TET3: variants seen among roughly 807,000 people sequenced by gnomAD.
The protein encoded by TET3 is methylcytosine dioxygenase TET3.
In TET3, 19 loss-of-function variants were observed where a neutral mutation model predicts 141.4. The ratio of observed to expected loss-of-function variants is 0.13; its 90% CI spans 0.09 to 0.20. TET3 has a LOEUF of 0.20. Among genes scored for constraint, TET3 ranks in the 10% least tolerant of loss-of-function variants. TET3 has a pLI of 1.00. For synonymous variants in TET3, 1,043 were observed against 980.9 expected, an observed-to-expected ratio of 1.06 and a Z score of -1.18; for missense variants, 1,874 against 2,356.9, an observed-to-expected ratio of 0.80 and a Z score of 4.24.
intron 2 of TET3, among the ~76,000 whole-genome samples, chr2:73,994,955 T>A (rs769243874): frequency 2.0e-5 from 3 of 151,498 alleles, no homozygotes; most frequent in Non-Finnish European, 4.4e-5. Flanking sequence ...TATTTTCATG[T>A]TTCTTTTTTT....
At chr2:73,987,873 C>G (rs969884456) in intron 2 of TET3, among the ~76,000 whole-genome samples, 10 of 152,190 alleles carry the variant, frequency 6.6e-5, no homozygotes, top group Non-Finnish European at 1.3e-4. Flanking sequence ...CTGGGTTTCC[C>G]TGACCGCTGA....
intron 4 of TET3, among the ~76,000 whole-genome samples, chr2:74,049,910 C>T (rs895973336): frequency 6.6e-6 from 1 of 152,122 alleles, no homozygotes; most frequent in Non-Finnish European, 1.5e-5. Flanking sequence ...CCCACTGGCC[C>T]TGTCCATTCT....
chr2:73,985,745 C>T (rs1683989980), intron 1 of TET3, among the ~76,000 whole-genome samples: 1 of 152,084 alleles, frequency 6.6e-6, no homozygotes, highest in South Asian at 2.1e-4. Context: ...TCTTAGAAAT[C>T]TCACCTTGAT....
chr2:74,114,964 A>C, the TET3 span, among the ~76,000 whole-genome samples: 1 of 151,982 alleles, frequency 6.6e-6, no homozygotes, highest in African/African-American at 2.4e-5. Flanking sequence ...AAAATGGACC[A>C]AAGACCTAAA....
At chr2:74,133,809 A>G in the TET3 span, among the ~76,000 whole-genome samples, 5 of 152,132 alleles carry the variant, frequency 3.3e-5, no homozygotes, top group African/African-American at 1.2e-4. Flanking sequence ...CAGTGGCACA[A>G]TCTTGGTTCA....
At chr2:74,090,522 G>C (rs371889668) in intron 8 of TET3, among the ~76,000 whole-genome samples, 1 of 152,166 alleles carries the variant, frequency 6.6e-6, no homozygotes, top group Admixed American at 6.5e-5. Context: ...GCAGTCATCC[G>C]GGCCCTTGCA....
chr2:74,124,428 GGA>G, the TET3 span, among the ~76,000 whole-genome samples: 10 of 152,206 alleles, frequency 6.6e-5, no homozygotes, highest in Non-Finnish European at 1.5e-4. Context: ...ACCCCGTCTG[GGA>G]GGTGTACCCA....
chr2:74,127,777 T>G, the TET3 span, among the ~76,000 whole-genome samples: 1 of 151,962 alleles, frequency 6.6e-6, no homozygotes, highest in African/African-American at 2.4e-5. Context: ...GAGAAGGGGT[T>G]GTGTGCATAA....
intron 5 of TET3, among the ~76,000 whole-genome samples, chr2:74,074,959 C>T (rs900729486): frequency 6.6e-6 from 1 of 152,094 alleles, no homozygotes; most frequent in Non-Finnish European, 1.5e-5. Context: ...GCAAGCTCCG[C>T]CTCCAGGTTC....
the TET3 span, among the ~76,000 whole-genome samples, chr2:74,131,625 C>T: frequency 3.0e-4 from 46 of 152,130 alleles, no homozygotes; most frequent in Non-Finnish European, 1.2e-4. Context: ...AGGCAGTTTC[C>T]CCTACACTGA....
In TET3 at chr2:74,101,475, G is replaced by A. The variant is rs1323322288; in HGVS notation, c.4687G>A (p.Glu1563Lys). ...CAAGCTGTGGAACCCCATGAAAGGA[G>A]AGGAGGGCAGGATTCCAGCCGCAGG... The part of the protein sequence containing the change: ...QDKLWNPMKG[E>K]EGRIPAAGAS... The change falls in exon 12 of 12, where the codon GAG becomes AAG. Residue 1563 changes from glutamate to lysine, a missense_variant. Transcript: ENST00000409262. This position sits in a 1 kb window ranked among gnomAD's most constrained non-coding sequence, Gnocchi z 8.5. 6.2e-7 allele frequency: 1 copy of A among 1,613,608 alleles called. No homozygotes were observed. Among genetic ancestry groups the A allele is most frequent in the Non-Finnish European group, 8.5e-7 (1 of 1,179,818 alleles).
intron 3 of TET3, among the ~76,000 whole-genome samples, chr2:74,030,914 A>T (rs1686645218): frequency 6.6e-6 from 1 of 152,188 alleles, no homozygotes; most frequent in Non-Finnish European, 1.5e-5. Context: ...ATCAGAGGGG[A>T]TGGAAGGGTT....
chr2:74,088,175 G>T, intron 7 of TET3, 137 bp downstream of exon 7: 1 of 916,906 alleles, frequency 1.1e-6, no homozygotes, highest in Non-Finnish European at 1.6e-6. Context: ...AGTTAGGACT[G>T]TGGTTGAGGA....
intron 3 of TET3, among the ~76,000 whole-genome samples, chr2:74,028,460 G>A (rs926896109): frequency 6.6e-6 from 1 of 152,092 alleles, no homozygotes; most frequent in Non-Finnish European, 1.5e-5. Context: ...TTACACTTGG[G>A]TCTTTGATCC....
chr2:74,025,333 G>A (rs1234493814), intron 3 of TET3, among the ~76,000 whole-genome samples: 1 of 149,248 alleles, frequency 6.7e-6, no homozygotes, highest in Non-Finnish European at 1.5e-5. Context: ...CTGTTGCCCA[G>A]GCTGGAGTGC....
In TET3 at chr2:74,047,325, G is replaced by A. The variant is rs747511978; in HGVS notation, c.1408G>A (p.Ala470Thr). Residue 470 changes from alanine (A) to threonine (T), a missense_variant, in exon 4 of 12, where the codon GCC becomes ACC. Transcript: ENST00000409262. ...TGAACTGGAGCAGTTGTTGGGCAGC[G>A]CCAGTGATTACATCCAGTCAGTATT... ...MAELEQLLGS[A>T]SDYIQSVFKR... 1.9e-5 allele frequency: 31 copies of A among 1,613,858 alleles called. No individual in the cohort carries two copies. Among genetic ancestry groups the A allele is most frequent in the Non-Finnish European group, 2.4e-5 (28 of 1,179,890 alleles).
At chr2:74,058,689 T>G (rs1412319489) in intron 4 of TET3, among the ~76,000 whole-genome samples, 3 of 152,156 alleles carry the variant, frequency 2.0e-5, no homozygotes, top group African/African-American at 7.2e-5. Context: ...TACAGTTTTA[T>G]AAAAGACACA....
intron 2 of TET3, among the ~76,000 whole-genome samples, chr2:74,001,169 C>T (rs1163425206): frequency 6.6e-6 from 1 of 152,184 alleles, no homozygotes; most frequent in East Asian, 1.9e-4. Flanking sequence ...GGTATGGGCC[C>T]TGATGCCTCC....
rs1691216764 is a variant in TET3, at chr2:74,101,543, C to T, written c.4755C>T (p.Pro1585=). The T allele has an allele frequency of 1.2e-6, 2 of 1,610,060 alleles. No individual in the cohort carries two copies. The highest frequency in any genetic ancestry group is 1.7e-6 in the Non-Finnish European group (2 of 1,178,122). The change falls in exon 12 of 12, where the codon CCC becomes CCT. Residue 1585 remains proline (P), a synonymous_variant. Transcript: ENST00000409262. This position sits in a 1 kb window ranked among gnomAD's most constrained non-coding sequence, Gnocchi z 8.5. ...LDRAWQSFGL[P]LGSSEKLFGA... ...GGGCCTGGCAGTCCTTTGGTCTGCCCCTGGGATCCAGCGAGAAGCTGTTTG... is the reference window on the plus strand; with the variant it reads ...GGGCCTGGCAGTCCTTTGGTCTGCCTCTGGGATCCAGCGAGAAGCTGTTTG...
Sources: gnomAD v4.1 joint callset for allele counts (sites outside exome capture counted in the v4.1 genomes callset) on GRCh38, gnomAD v4.1.1 for gene constraint, Gnocchi (gnomAD v3.1) non-coding constraint, MANE v1.5 for transcripts, NCBI Gene and HGNC (gene_info 2026-07-23, HGNC 2026-07-21) for gene names.